ASB18: variants seen among roughly 807,000 people sequenced by gnomAD.
ASB18 encodes the protein ankyrin repeat and SOCS box containing 18, also known as ankyrin repeat and SOCS box protein 18.
ASB18 carries 33 observed loss-of-function variants against 33.4 expected under a neutral mutation model. The observed-to-expected ratio is 0.99, with a 90% CI of 0.75 to 1.32. The LOEUF is 1.32. ASB18 is among the 40% of genes most tolerant of loss of function. The pLI is 0.00. For synonymous variants in ASB18, 295 were observed against 307.6 expected (o/e 0.96, Z 0.43); for missense variants, 694 against 655.5 (o/e 1.06, Z -0.64).
chr2:236,229,707 G>A lies in ASB18; in HGVS notation c.596+7982C>T, dbSNP rs2060555942. 6.6e-6 allele frequency among the ~76,000 whole-genome samples: 1 copy of A among 152,078 alleles called. No individual in the cohort carries two copies. The highest frequency in any genetic ancestry group is 6.5e-5 in the Admixed American group (1 of 15,270). On this transcript the variant is annotated intron_variant, in intron 3 of 5. Coordinates refer to ENST00000409749, the MANE Select transcript of ASB18 (RefSeq NM_212556.4). This position sits in a 1 kb window ranked among gnomAD's most constrained non-coding sequence, Gnocchi z 5.2. ...ACATACAAAAATTAGCTGGTGTGGT[G>A]GCATGCACCTGTAATCCCAGCTATC...
rs569683429 is a variant in ASB18 at position 236,194,720 on chromosome 2, C to A, written c.*152G>T. ...ATTCCATTTCGAGGTGAACCTGAAG[C>A]TTGGCAAGGTCTGTGCTTCACCCGG... On this transcript the variant is annotated 3_prime_UTR_variant, in exon 6 of 6. Coordinates refer to ENST00000409749, the MANE Select transcript of ASB18 (RefSeq NM_212556.4). This position sits in a 1 kb window ranked among gnomAD's most constrained non-coding sequence, Gnocchi z 4.5. Among the ~76,000 whole-genome samples the A allele has an allele frequency of 6.6e-6, 1 of 152,204 alleles. No individual in the cohort carries two copies.
chr2:236,264,210 C>A lies in ASB18; in HGVS notation c.136G>T (p.Val46Leu), dbSNP rs761277523. The A allele has an allele frequency of 1.2e-6, 2 of 1,613,872 alleles. No individual in the cohort carries two copies. Among genetic ancestry groups the A allele is most frequent in the East Asian group, 4.5e-5 (2 of 44,884 alleles). ...CAGTCGTCATTGGCCAGTTCTATCA[C>A]AGCGTCCACAGGCGTGATTTCAGTG... ...ICTEITPVDA[V>L]IELANDDWMK... The change falls in exon 1 of 6, where the codon GTG becomes TTG. Residue 46 changes from valine to leucine, a missense_variant. Transcript: ENST00000409749. This position sits in a 1 kb window ranked among gnomAD's most constrained non-coding sequence, Gnocchi z 5.1.
At chr2:236,233,300 A>C (rs957713171) in intron 3 of ASB18, among the ~76,000 whole-genome samples, 1 of 152,138 alleles carries the variant, frequency 6.6e-6, no homozygotes. Flanking sequence ...TCTCTGAAAA[A>C]AGGAATCTGC....
intron 4 of ASB18, among the ~76,000 whole-genome samples, chr2:236,201,650 T>C (rs771033631): frequency 6.6e-6 from 1 of 152,112 alleles, no homozygotes; most frequent in Non-Finnish European, 1.5e-5. Flanking sequence ...GTTCAAAATA[T>C]GTTTGTCACA....
chr2:236,214,628 G>A lies in ASB18; in HGVS notation c.835C>T (p.Leu279=). ...TCCGCCTCCGCCCCGCGCCGCAGCA[G>A]CAGCGCGCACAGGCGCAGGCAGCGC... is the stretch of plus-strand genomic sequence containing the variant. ...HGRCLRLCAL[L]LRRGAEADAR... is the part of the protein sequence containing the mutation. Residue 279 remains leucine (L), a synonymous_variant, in exon 4 of 6, where the codon CTG becomes TTG. Transcript: ENST00000409749. This position sits in a 1 kb window ranked among gnomAD's most constrained non-coding sequence, Gnocchi z 6.5. The A allele has an allele frequency of 2.5e-6, 3 of 1,191,024 alleles. No individual in the cohort carries two copies. The highest frequency in any genetic ancestry group is 3.1e-6 in the Non-Finnish European group (3 of 963,706). The allele number at this position is 1,191,024 out of a possible 1,614,324, so 73.8% of individuals were successfully genotyped here.
chr2:236,258,192 A>AC (rs2060701424), intron 1 of ASB18, among the ~76,000 whole-genome samples: 1 of 152,172 alleles, frequency 6.6e-6, no homozygotes, highest in African/African-American at 2.4e-5. Flanking sequence ...GGTGTGGCCC[A>AC]CACAGGCCCC....
Position 236,264,038 on chromosome 2 carries a change from T to C in ASB18, c.205+103A>G, listed in dbSNP as rs145766118. The C allele has an allele frequency of 0.017, 15,734 of 921,012 alleles. 206 individuals carry two copies. Among genetic ancestry groups the C allele is most frequent in the Middle Eastern group, 0.022 (68 of 3,108 alleles). The allele number at this position is 921,012 out of a possible 1,614,324, so 57.1% of individuals were successfully genotyped here. On this transcript the variant is annotated intron_variant, in intron 1 of 5. Transcript: ENST00000409749. This position sits in a 1 kb window ranked among gnomAD's most constrained non-coding sequence, Gnocchi z 5.1. ...GAGTCAGATATCCGAGTACATATCA[T>C]TTACTTTTTCCAAACATTTGCCCCT...
Position 236,194,570 on chromosome 2 carries a change from A to G in ASB18, c.*302T>C, listed in dbSNP as rs2060362148. 6.6e-6 allele frequency among the ~76,000 whole-genome samples: 1 copy of G among 152,182 alleles called. No homozygotes were observed. Among genetic ancestry groups the G allele is most frequent in the South Asian group, 2.1e-4 (1 of 4,828 alleles). On this transcript the variant is annotated 3_prime_UTR_variant, in exon 6 of 6. Transcript: ENST00000409749. The surrounding 1 kb of genome is among the most constrained non-coding windows in gnomAD (Gnocchi z 4.5). ...AACCTATCGAAGACCTTAAGTGAGG[A>G]CTCACTGTACCTTTTGGCTTAACTG...
rs2060606065 is a variant in ASB18 at position 236,238,364 on chromosome 2, G to A, written c.329-408C>T. Among the ~76,000 whole-genome samples the A allele has an allele frequency of 6.6e-6, 1 of 152,154 alleles. No individual in the cohort carries two copies. Among genetic ancestry groups the A allele is most frequent in the South Asian group, 2.1e-4 (1 of 4,828 alleles). On this transcript the variant is annotated intron_variant, in intron 2 of 5. Transcript: ENST00000409749. This position sits in a 1 kb window ranked among gnomAD's most constrained non-coding sequence, Gnocchi z 5.2. ...GGCCCTGAGTTAGGGCAGCTTGAAA[G>A]AGGAAAGTGGGTTGTGGAATTTTCC...
chr2:236,201,051 A>T (rs61238569), intron 4 of ASB18, among the ~76,000 whole-genome samples: 7,907 of 152,274 alleles, frequency 0.052, 458 homozygotes, highest in African/African-American at 0.14. Context: ...AAAATGGTAT[A>T]AATTTCCCTT....
Position 236,237,801 on chromosome 2 carries a change from C to T in ASB18, c.484G>A (p.Gly162Arg), listed in dbSNP as rs1330283143. 8.4e-6 allele frequency: 12 copies of T among 1,425,334 alleles called. No individual in the cohort carries two copies. Among genetic ancestry groups the T allele is most frequent in the Non-Finnish European group, 1.1e-5 (12 of 1,094,910 alleles). 88.3% of individuals were successfully genotyped at this position (1,425,334 alleles called of 1,614,324 possible). The change falls in exon 3 of 6, where the codon GGG (glycine) becomes AGG (arginine). Residue 162 changes from glycine (G) to arginine (R), a missense_variant. Gly to Arg is a moderately radical substitution (Grantham distance 125). Coordinates refer to ENST00000409749, the MANE Select transcript of ASB18 (RefSeq NM_212556.4). This position sits in a 1 kb window ranked among gnomAD's most constrained non-coding sequence, Gnocchi z 6.2. ...GRGALHEACL[G>R]GHTACVRLLL... is the part of the protein sequence containing the mutation. ...AGGCGGACGCAGGCGGTGTGGCCCC[C>T]GAGGCAGGCCTCGTGCAGGGCGCCG...
chr2:236,246,457 A>G (rs1417585916), intron 1 of ASB18, among the ~76,000 whole-genome samples: 1 of 150,350 alleles, frequency 6.7e-6, no homozygotes, highest in Non-Finnish European at 1.5e-5. Flanking sequence ...TCCCTTATCC[A>G]CATCATCAGT....
chr2:236,236,187 C>G (rs905849265), intron 3 of ASB18, among the ~76,000 whole-genome samples: 1 of 152,160 alleles, frequency 6.6e-6, no homozygotes, highest in Non-Finnish European at 1.5e-5. Flanking sequence ...ATCCATACCA[C>G]GGACCGCTAC....
chr2:236,197,948 G>A (rs1242365637), intron 4 of ASB18, among the ~76,000 whole-genome samples: 2 of 152,002 alleles, frequency 1.3e-5, no homozygotes, highest in Non-Finnish European at 2.9e-5. Context: ...TCTATTTCTT[G>A]GTTGAGAGAC....
chr2:236,233,021 A>G (rs1365348388), intron 3 of ASB18, among the ~76,000 whole-genome samples: 2 of 152,128 alleles, frequency 1.3e-5, no homozygotes, highest in Non-Finnish European at 2.9e-5. Flanking sequence ...TCTTTCATTA[A>G]CATAGATGCG....
In ASB18 at chr2:236,253,352, C is replaced by A. The variant is rs2060676226; in HGVS notation, c.205+10789G>T. On this transcript the variant is annotated intron_variant, in intron 1 of 5. Transcript: ENST00000409749. The surrounding 1 kb of genome is among the most constrained non-coding windows in gnomAD (Gnocchi z 5.4). Reference sequence around the variant, plus strand: ...GAGTCTAATTTGTTGCAGTTTGATTCTCATTCAAGGGGCTCAGTCTTTATT... The same window carrying A: ...GAGTCTAATTTGTTGCAGTTTGATTATCATTCAAGGGGCTCAGTCTTTATT... 6.6e-6 allele frequency among the ~76,000 whole-genome samples: 1 copy of A among 152,068 alleles called. No individual in the cohort carries two copies. The highest frequency in any genetic ancestry group is 2.4e-5 in the African/African-American group (1 of 41,400).
Position 236,208,561 on chromosome 2 carries a change from A to C in ASB18, c.1101+5801T>G, listed in dbSNP as rs10929175. ...CCCAGGGACTGCAGGTAACCCGGAC[A>C]TGCCCCACCCTGGGAAGAGGTGCCC... On this transcript the variant is annotated intron_variant, in intron 4 of 5. Transcript: ENST00000409749. This position sits in a 1 kb window ranked among gnomAD's most constrained non-coding sequence, Gnocchi z 7.7. 0.17 allele frequency among the ~76,000 whole-genome samples: 26,135 copies of C among 152,026 alleles called. 2,266 individuals carry two copies. The highest frequency in any genetic ancestry group is 0.25 in the South Asian group (1,203 of 4,820).
intron 3 of ASB18, among the ~76,000 whole-genome samples, chr2:236,233,584 A>C (rs1162774041): frequency 6.6e-6 from 1 of 152,198 alleles, no homozygotes; most frequent in Non-Finnish European, 1.5e-5. Context: ...TACAAGGTCA[A>C]TATACAAAAA....
rs2060363546 is a variant in ASB18, at chr2:236,194,875, G to C, written c.1398C>G (p.His466Gln). ...YLLLEPQGVL[H>Q] is the part of the protein sequence containing the mutation. ...ATTGGTTGCAGCGTTCTGCGTTTCA[G>C]TGCAAAACACCCTGTGGCTCCAAAA... The change falls in exon 6 of 6, where the codon CAC (histidine) becomes CAG (glutamine). Residue 466 changes from histidine (H) to glutamine (Q), a missense_variant. Coordinates refer to ENST00000409749, the MANE Select transcript of ASB18 (RefSeq NM_212556.4). This position sits in a 1 kb window ranked among gnomAD's most constrained non-coding sequence, Gnocchi z 4.5. 4 of 1,612,720 alleles carry C rather than the reference G, an allele frequency of 2.5e-6. No homozygotes were observed. The East Asian group carries it at 8.9e-5, about 36-fold the overall frequency.
Sources: gnomAD v4.1 joint callset for allele counts (sites outside exome capture counted in the v4.1 genomes callset) on GRCh38, gnomAD v4.1.1 for gene constraint, Gnocchi (gnomAD v3.1) non-coding constraint, MANE v1.5 for transcripts, NCBI Gene and HGNC (gene_info 2026-07-23, HGNC 2026-07-21) for gene names.